Variants in ERBIN observed in about 807,000 individuals in gnomAD.
The protein encoded by ERBIN is densin-180-like protein.
ERBIN carries 60 observed loss-of-function variants against 158.4 expected under a neutral mutation model. The ratio of observed to expected loss-of-function variants is 0.38; its 90% CI spans 0.31 to 0.47. The LOEUF is 0.47. Among genes scored for constraint, ERBIN ranks in the 20% least tolerant of loss-of-function variants. The probability of loss-of-function intolerance (pLI) is 0.99; values close to 1 mark genes in which losing one functional copy is unlikely to be tolerated. For missense variants in ERBIN, 1,610 were observed against 1,648.0 expected (o/e 0.98, Z 0.40); for synonymous variants, 594 against 557.2 (o/e 1.07, Z -0.93).
chr5:65,974,431 A>G (rs1257365632), intron 1 of ERBIN, among the ~76,000 whole-genome samples: 6 of 152,262 alleles, frequency 3.9e-5, no homozygotes, highest in Admixed American at 3.9e-4. Flanking sequence ...CCTGTATCAT[A>G]CTGGATGGAT....
At chr5:65,949,184 ATAT>A (rs899441953) in intron 1 of ERBIN, among the ~76,000 whole-genome samples, 1 of 152,168 alleles carries the variant, frequency 6.6e-6, no homozygotes, top group African/African-American at 2.4e-5. Context: ...GGGCTACTTG[ATAT>A]TATTATAAAG....
intron 13 of ERBIN, among the ~76,000 whole-genome samples, chr5:66,027,616 T>A (rs1404300564): frequency 6.6e-6 from 1 of 152,070 alleles, no homozygotes; most frequent in African/African-American, 2.4e-5. Context: ...AGCATTTATA[T>A]TTTAATAGGT....
At chr5:65,927,819 A>G (rs1742845070) in intron 1 of ERBIN, among the ~76,000 whole-genome samples, 1 of 152,188 alleles carries the variant, frequency 6.6e-6, no homozygotes, top group Non-Finnish European at 1.5e-5. Context: ...AGAGCTATGA[A>G]CACTTCTGAA....
At position 66,004,147 on chromosome 5, in the gene ERBIN, G is replaced by T. The variant is rs1753311132; in HGVS notation, c.308-7902G>T. On this transcript the variant is annotated intron_variant, in intron 4 of 25. Transcript: ENST00000284037. ...TTAAGAGATGGGGTTTTGCCATGTT[G>T]CCCAGGCTGGTCTTGAACTCCTTGT... Among the ~76,000 whole-genome samples the T allele has an allele frequency of 2.1e-5, 3 of 141,554 alleles. No individual in the cohort carries two copies. In the Admixed American group the frequency reaches 2.2e-4, roughly 10 times the overall value. 92.9% of individuals were successfully genotyped at this position (141,554 alleles called of 152,430 possible). A position where few individuals can be genotyped will look rare whatever the true frequency, so the allele number is the denominator to read the frequency against.
chr5:66,056,164 G>C (rs147468038), intron 21 of ERBIN, among the ~76,000 whole-genome samples: 1 of 152,144 alleles, frequency 6.6e-6, no homozygotes, highest in Admixed American at 6.5e-5. Flanking sequence ...TTATGATGCC[G>C]TTTAGTAATC....
rs181472047 is a variant in ERBIN at position 66,057,948 on chromosome 5, C to T, written c.3633+2997C>T. 2.1e-3 allele frequency among the ~76,000 whole-genome samples: 316 copies of T among 151,190 alleles called. 1 individual carries two copies. Among genetic ancestry groups the T allele is most frequent in the African/African-American group, 7.6e-3 (309 of 40,640 alleles). On this transcript the variant is annotated intron_variant, in intron 21 of 25. Coordinates refer to ENST00000284037, the MANE Select transcript of ERBIN (RefSeq NM_001253697.2). ...CCAGTCTATCATTGTTGGACATTTG[C>T]GTTGGTTCCAAGTCTTTGCTATTGT...
intron 1 of ERBIN, among the ~76,000 whole-genome samples, chr5:65,966,883 G>A (rs1748697482): frequency 6.6e-6 from 1 of 151,840 alleles, no homozygotes; most frequent in Non-Finnish European, 1.5e-5. Context: ...ATAGGCCTAG[G>A]CTAATGTGTG....
intron 22 of ERBIN, among the ~76,000 whole-genome samples, chr5:66,073,520 G>C (rs1761711198): frequency 6.6e-6 from 1 of 152,072 alleles, no homozygotes; most frequent in Admixed American, 6.5e-5. Flanking sequence ...TGTGTTCCTA[G>C]ACTTCAGAAT....
chr5:66,046,709 T>G (rs1229844743), intron 18 of ERBIN, among the ~76,000 whole-genome samples, 171 bp downstream of exon 18: 1 of 152,212 alleles, frequency 6.6e-6, no homozygotes, highest in East Asian at 1.9e-4. Context: ...ACTTACAAAT[T>G]ATTATGCCCT....
intron 1 of ERBIN, chr5:65,961,084 C>G (rs550074068): frequency 1.3e-5 from 2 of 152,040 alleles, no homozygotes; most frequent in African/African-American, 4.8e-5. Flanking sequence ...GATTAAAAAC[C>G]TTCTTAAAAC....
intron 1 of ERBIN, among the ~76,000 whole-genome samples, chr5:65,929,860 G>A (rs13161890): frequency 6.6e-6 from 1 of 151,908 alleles, no homozygotes; most frequent in African/African-American, 2.4e-5. Flanking sequence ...GGCTGGTCTC[G>A]AACTCCCGAC....
At chr5:66,021,491 T>G in intron 8 of ERBIN, 106 bp downstream of exon 8, 1 of 833,462 alleles carries the variant, frequency 1.2e-6, no homozygotes, top group Non-Finnish European at 1.8e-6. Flanking sequence ...GTTTACTTTT[T>G]TTTCTTAGTT....
At chr5:66,033,133 CT>C (rs1407506405) in intron 14 of ERBIN, among the ~76,000 whole-genome samples, 36 of 152,146 alleles carry the variant, frequency 2.4e-4, no homozygotes, top group Admixed American at 2.0e-4. Flanking sequence ...CTCAAAATTG[CT>C]CCTGAAGGCT....
rs1291030444 is a variant in ERBIN at position 65,983,146 on chromosome 5, A to G, written c.-57-5489A>G. ...CAGTAATACATTTTTAGACATGTTT[A>G]GGCTAACTATAGTTTGATATAAAAT... On this transcript the variant is annotated intron_variant, in intron 1 of 25. Transcript: ENST00000284037. 2.6e-5 allele frequency among the ~76,000 whole-genome samples: 4 copies of G among 152,350 alleles called. No individual in the cohort carries two copies. The East Asian group carries it at 5.8e-4, about 22-fold the overall frequency.
At chr5:66,052,547 C>T (rs1399103139) in intron 20 of ERBIN, among the ~76,000 whole-genome samples, 1 of 151,966 alleles carries the variant, frequency 6.6e-6, no homozygotes. Context: ...TTTCTAAATC[C>T]TGCTTTTAAT....
At chr5:66,063,104 C>G (rs189381194) in intron 21 of ERBIN, among the ~76,000 whole-genome samples, 1 of 152,338 alleles carries the variant, frequency 6.6e-6, no homozygotes, top group African/African-American at 2.4e-5. Context: ...GAGGTTATTG[C>G]TGTCTTTTGT....
At chr5:66,036,433 A>G (rs920856268) in intron 14 of ERBIN, among the ~76,000 whole-genome samples, 1 of 152,150 alleles carries the variant, frequency 6.6e-6, no homozygotes, top group Non-Finnish European at 1.5e-5. Context: ...CTTTCTTGGA[A>G]CATTCTTCCT....
chr5:65,969,588 G>A (rs2150982702), intron 1 of ERBIN, among the ~76,000 whole-genome samples: 1 of 152,298 alleles, frequency 6.6e-6, no homozygotes, highest in South Asian at 2.1e-4. Context: ...TTTGTGTTCA[G>A]CTATATTGTT....
intron 13 of ERBIN, among the ~76,000 whole-genome samples, 153 bp from the exon 14 acceptor site, chr5:66,028,121 G>A (rs1056467695): frequency 1.1e-4 from 16 of 151,778 alleles, no homozygotes; most frequent in East Asian, 1.9e-4. Flanking sequence ...TGTCCTATAC[G>A]AAGAATTATA....
Sources: allele counts gnomAD v4.1 joint callset (sites outside exome capture counted in the v4.1 genomes callset), GRCh38; gene constraint gnomAD v4.1.1; transcripts MANE v1.5; gene names NCBI Gene and HGNC (gene_info 2026-07-23, HGNC 2026-07-21).